The following AGBL4 variants were observed in gnomAD, a reference collection of about 807,000 sequenced individuals.
The protein encoded by AGBL4 is AGBL carboxypeptidase 4.
AGBL4 carries 58 observed loss-of-function variants against 66.4 expected under a neutral mutation model. The observed-to-expected ratio is 0.87, with a 90% confidence interval of 0.71 to 1.09. The LOEUF (loss-of-function observed/expected upper bound fraction) is 1.09. AGBL4 is among the 50% of genes least tolerant of loss of function. The pLI is 0.00. For synonymous variants in AGBL4, 234 were observed against 222.9 expected (o/e 1.05, Z -0.44); for missense variants, 579 against 631.0 (o/e 0.92, Z 0.88).
chr1:49,968,174 T>C (rs1657733601), intron 1 of AGBL4, among the ~76,000 whole-genome samples: 1 of 149,444 alleles, frequency 6.7e-6, no homozygotes, highest in Non-Finnish European at 1.5e-5. Context: ...AGTGAGCCAA[T>C]ATCGTGCCAT....
At chr1:48,625,979 T>C (rs1645495992) in intron 9 of AGBL4, among the ~76,000 whole-genome samples, 1 of 152,230 alleles carries the variant, frequency 6.6e-6, no homozygotes, top group African/African-American at 2.4e-5. Context: ...CGAACTGCTG[T>C]AGGAAAAACT....
intron 1 of AGBL4, chr1:50,017,218 A>G (rs1396119592): frequency 6.6e-6 from 1 of 152,108 alleles, no homozygotes; most frequent in Non-Finnish European, 1.5e-5. Context: ...AATAATAAAT[A>G]CTATTAATCA....
chr1:49,378,299 G>A (rs1410853295), intron 3 of AGBL4, among the ~76,000 whole-genome samples: 1 of 152,068 alleles, frequency 6.6e-6, no homozygotes, highest in Non-Finnish European at 1.5e-5. Flanking sequence ...CTACCAGCCT[G>A]GCCACATATT....
chr1:49,169,836 A>G (rs900123822), intron 4 of AGBL4, among the ~76,000 whole-genome samples: 3 of 152,208 alleles, frequency 2.0e-5, no homozygotes, highest in African/African-American at 7.2e-5. Context: ...ACCAGAATCC[A>G]AGTTTGCATA....
At chr1:49,551,139 T>G (rs924892967) in intron 3 of AGBL4, among the ~76,000 whole-genome samples, 9 of 152,190 alleles carry the variant, frequency 5.9e-5, no homozygotes, top group Non-Finnish European at 5.9e-5. Context: ...TATCCAATGA[T>G]TCCTGAATTT....
intron 3 of AGBL4, among the ~76,000 whole-genome samples, chr1:49,572,846 T>TG (rs1463474408): frequency 6.6e-6 from 1 of 152,168 alleles, no homozygotes; most frequent in Non-Finnish European, 1.5e-5. Context: ...GTCACTGGGC[T>TG]GGGAAGGGCA....
intron 2 of AGBL4, among the ~76,000 whole-genome samples, chr1:49,748,495 G>A (rs941244422): frequency 5.9e-5 from 9 of 152,166 alleles, no homozygotes; most frequent in Non-Finnish European, 1.0e-4. Context: ...CTTTATTATA[G>A]AATGATTTAT....
In AGBL4 at chr1:48,722,610, C is replaced by T. The variant is rs531035183; in HGVS notation, c.635-59369G>A. Among the ~76,000 whole-genome samples, 41 of 152,232 alleles carry T rather than the reference C, an allele frequency of 2.7e-4. No homozygotes were observed. In the East Asian group the frequency reaches 4.8e-3, roughly 18 times the overall value. On this transcript the variant is annotated intron_variant, in intron 6 of 13. Transcript: ENST00000371839. Reference sequence around the variant, plus strand: ...AACTGATGCTCTTTCCATTATAACACGGTAAACTGAAGGGACAAGTATCGT... The same window carrying T: ...AACTGATGCTCTTTCCATTATAACATGGTAAACTGAAGGGACAAGTATCGT...
intron 4 of AGBL4, among the ~76,000 whole-genome samples, chr1:49,104,004 G>A (rs767001776): frequency 2.6e-5 from 4 of 152,134 alleles, no homozygotes; most frequent in African/African-American, 4.8e-5. Flanking sequence ...CCATTCCACC[G>A]ACTCATGTTC....
intron 11 of AGBL4, among the ~76,000 whole-genome samples, chr1:48,572,004 T>A (rs149014646): frequency 6.6e-6 from 1 of 152,282 alleles, no homozygotes; most frequent in East Asian, 1.9e-4. Flanking sequence ...GTCCCCAATT[T>A]ATGAAAAGCT....
chr1:48,832,370 C>A (rs1326164232), intron 6 of AGBL4, among the ~76,000 whole-genome samples: 2 of 152,178 alleles, frequency 1.3e-5, no homozygotes, highest in East Asian at 1.9e-4. Context: ...AGCTCAGACT[C>A]CATCTCAGGG....
At chr1:49,425,443 A>C (rs911663455) in intron 3 of AGBL4, among the ~76,000 whole-genome samples, 3 of 152,180 alleles carry the variant, frequency 2.0e-5, no homozygotes, top group Non-Finnish European at 2.9e-5. Flanking sequence ...ATGCTATTTT[A>C]AATATTTTGT....
At chr1:49,730,428 C>T (rs896155168) in intron 2 of AGBL4, among the ~76,000 whole-genome samples, 6 of 152,076 alleles carry the variant, frequency 3.9e-5, no homozygotes, top group African/African-American at 1.2e-4. Flanking sequence ...GCCCAGACCT[C>T]GGGACTCCCC....
intron 3 of AGBL4, among the ~76,000 whole-genome samples, chr1:49,348,275 G>A (rs1557859677): frequency 2.0e-5 from 3 of 152,006 alleles, no homozygotes; most frequent in South Asian, 2.1e-4. Flanking sequence ...AAAACTAGCC[G>A]GGTATGGTGG....
intron 6 of AGBL4, among the ~76,000 whole-genome samples, chr1:48,664,597 C>T (rs924974101): frequency 6.7e-6 from 1 of 149,870 alleles, no homozygotes; most frequent in South Asian, 2.1e-4. Context: ...AGAGTCAAAG[C>T]AATGTATAAT....
intron 5 of AGBL4, among the ~76,000 whole-genome samples, chr1:48,937,316 G>A (rs556429247): frequency 1.3e-5 from 2 of 152,262 alleles, no homozygotes; most frequent in African/African-American, 4.8e-5. Context: ...GAATTGGTGG[G>A]AGTTATTATT....
chr1:48,531,503 T>G (rs1182438156), downstream of AGBL4, among the ~76,000 whole-genome samples: 9 of 152,168 alleles, frequency 5.9e-5, no homozygotes, highest in Admixed American at 5.9e-4. Context: ...CCTGTGGTGA[T>G]GGGGAGTTCA....
chr1:49,948,386 TATAA>T (rs1655675144), intron 1 of AGBL4, among the ~76,000 whole-genome samples: 2 of 103,774 alleles, frequency 1.9e-5, no homozygotes, highest in African/African-American at 3.9e-5. Flanking sequence ...TATAAATATA[TATAA>T]ATATATAAAT....
chr1:48,898,215 T>C (rs540395630), intron 5 of AGBL4, among the ~76,000 whole-genome samples: 16 of 152,344 alleles, frequency 1.1e-4, no homozygotes, highest in South Asian at 1.0e-3. Context: ...CCTTGTCGGA[T>C]GGATAGTTTA....
Sources: gnomAD v4.1 joint callset for allele counts (sites outside exome capture counted in the v4.1 genomes callset) on GRCh38, gnomAD v4.1.1 for gene constraint, MANE v1.5 for transcripts, NCBI Gene and HGNC (gene_info 2026-07-23, HGNC 2026-07-21) for gene names.